The following OR5T1 variants were observed in gnomAD, a reference collection of about 807,000 sequenced individuals.
OR5T1 encodes the protein olfactory receptor family 5 subfamily T member 1.
In OR5T1, 14 loss-of-function variants were observed where a neutral mutation model predicts 10.1. The observed-to-expected ratio is 1.39, with a 90% confidence interval of 0.92 to 2.18. The LOEUF (loss-of-function observed/expected upper bound fraction) is 2.18. Ranked by LOEUF, OR5T1 falls within the 30% of genes most tolerant of loss-of-function variation. OR5T1 has a pLI of 0.00. For missense variants in OR5T1, 461 were observed against 383.9 expected (o/e 1.20, Z -1.68); for synonymous variants, 166 against 141.2 (o/e 1.18, Z -1.24).
Position 56,276,728 on chromosome 11 carries a change from TCTA to T in OR5T1, c.*110_*112del. On this transcript the variant is annotated 3_prime_UTR_variant, in exon 3 of 3. Transcript: ENST00000641665. ...CTTTTAGTTAACAGTGCTTGTAACT[TCTA>T]GAATATTTTCAAATAAAGCATCAAT... The T allele has an allele frequency of 2.7e-6, 2 of 739,488 alleles. No homozygotes were observed. The allele number at this position is 739,488 out of a possible 1,614,324, so 45.8% of individuals were successfully genotyped here.
chr11:56,275,780 C>A lies in OR5T1; in HGVS notation c.142C>A (p.Leu48Ile). ...ATTTTTATTATTTTTAGCAATCTATCTATTCACTCTAATAGGCAATTTAGG... is the reference window on the plus strand; with the variant it reads ...ATTTTTATTATTTTTAGCAATCTATATATTCACTCTAATAGGCAATTTAGG... ...FLFLLFLAIYLFTLIGNLGLV... is the reference protein window; with the variant it reads ...FLFLLFLAIYIFTLIGNLGLV... Residue 48 changes from leucine (L) to isoleucine (I), a missense_variant, in exon 3 of 3, where the codon CTA becomes ATA. Physicochemically the swap from Leu to Ile is conservative, Grantham distance 5. Coordinates refer to ENST00000641665, the MANE Select transcript of OR5T1 (RefSeq NM_001004745.2). 1.9e-6 allele frequency: 3 copies of A among 1,612,832 alleles called. No individual in the cohort carries two copies. The highest frequency in any genetic ancestry group is 2.5e-6 in the Non-Finnish European group (3 of 1,178,882).
chr11:56,275,393 C>G (rs935530026), intron 2 of OR5T1, 93 bp from the exon 3 acceptor site: 7 of 341,582 alleles, frequency 2.0e-5, no homozygotes, highest in Non-Finnish European at 3.6e-5. Context: ...AGATAGTTTG[C>G]TGAGAATGAT....
rs75244906 is a variant in OR5T1 at position 56,274,408 on chromosome 11, T to A, written c.-271-228T>A. Among the ~76,000 whole-genome samples, 1,480 of 152,292 alleles carry A rather than the reference T, an allele frequency of 9.7e-3. 24 individuals carry two copies. The highest frequency in any genetic ancestry group is 0.034 in the African/African-American group (1,417 of 41,562). On this transcript the variant is annotated intron_variant, in intron 1 of 2. Transcript: ENST00000641665. ...ACTTGTTATTGGATGGTATTTATTT[T>A]ATAGAAATTTCAGAAGTTACGTAAG... is the stretch of plus-strand genomic sequence containing the variant.
In OR5T1 at chr11:56,276,395, T is replaced by C. The variant is rs762259087; in HGVS notation, c.757T>C (p.Cys253Arg). Residue 253 changes from cysteine to arginine, a missense_variant, in exon 3 of 3, where the codon TGT becomes CGT. Coordinates refer to ENST00000641665, the MANE Select transcript of OR5T1 (RefSeq NM_001004745.2). ...AGGGAGGAGAAAAGTCTTCTCTACATGTGGAGCTCACCTAACTGGAGTGAC... is the reference window on the plus strand; with the variant it reads ...AGGGAGGAGAAAAGTCTTCTCTACACGTGGAGCTCACCTAACTGGAGTGAC... ...AEGRRKVFSTCGAHLTGVTIY... is the reference protein window; with the variant it reads ...AEGRRKVFSTRGAHLTGVTIY... 7.0e-5 allele frequency: 113 copies of C among 1,614,028 alleles called. 1 individual carries two copies. Among genetic ancestry groups the C allele is most frequent in the Non-Finnish European group, 9.2e-5 (108 of 1,180,020 alleles).
At position 56,275,702 on chromosome 11, in the gene OR5T1, A is replaced by G. The variant is rs892336907; in HGVS notation, c.64A>G (p.Thr22Ala). The part of the protein sequence containing the change: ...KLQLNNFTEV[T>A]MFILISFTEE... ...TCAATTAAACAATTTTACTGAAGTC[A>G]CCATGTTTATATTAATAAGCTTCAC... is the stretch of plus-strand genomic sequence containing the variant. Residue 22 changes from threonine (T) to alanine (A), a missense_variant, in exon 3 of 3, where the codon ACC becomes GCC. Thr to Ala is a moderately conservative substitution (Grantham distance 58, BLOSUM62 0). Transcript: ENST00000641665. 5 of 1,607,798 alleles carry G rather than the reference A, an allele frequency of 3.1e-6. No homozygotes were observed. The highest frequency in any genetic ancestry group is 4.3e-6 in the Non-Finnish European group (5 of 1,175,482).
In OR5T1 at chr11:56,276,336, T is replaced by C; in HGVS notation, c.698T>C (p.Ile233Thr). The change falls in exon 3 of 3, where the codon ATT (isoleucine) becomes ACT (threonine). Residue 233 changes from isoleucine (I) to threonine (T), a missense_variant. Transcript: ENST00000641665. ...ATTGTCCTGATCTCCTATGGTTTTA[T>C]TCTGTTGGCCATTCTGAAGATGCAG... ...ILIVLISYGF[I>T]LLAILKMQSA... is the part of the protein sequence containing the mutation. 2 of 1,614,146 alleles carry C rather than the reference T, an allele frequency of 1.2e-6. No individual in the cohort carries two copies. Among genetic ancestry groups the C allele is most frequent in the South Asian group, 2.2e-5 (2 of 91,086 alleles).
At chr11:56,274,523 T>C (rs1853912722) in intron 1 of OR5T1, 113 bp from the exon 2 acceptor site, 1 of 152,036 alleles carries the variant, frequency 6.6e-6, no homozygotes. Flanking sequence ...AATGACCAAA[T>C]GATCATATAA....
At position 56,276,684 on chromosome 11, in the gene OR5T1, T is replaced by C. The variant is rs1853955416; in HGVS notation, c.*65T>C. On this transcript the variant is annotated 3_prime_UTR_variant, in exon 3 of 3. Coordinates refer to ENST00000641665, the MANE Select transcript of OR5T1 (RefSeq NM_001004745.2). ...AGTCCACATCTCTATGGTCAGAAAG[T>C]AGAGAAGAAAATGTGTTTCTTTTAG... 8.4e-7 allele frequency: 1 copy of C among 1,186,260 alleles called. No homozygotes were observed. Among genetic ancestry groups the C allele is most frequent in the African/African-American group, 1.5e-5 (1 of 65,050 alleles). The allele number at this position is 1,186,260 out of a possible 1,614,324, so 73.5% of individuals were successfully genotyped here.
Position 56,276,361 on chromosome 11 carries a change from G to T in OR5T1, c.723G>T (p.Gln241His), listed in dbSNP as rs778624045. The stretch of plus-strand genomic sequence containing the variant: ...TTCTGTTGGCCATTCTGAAGATGCA[G>T]TCTGCTGAAGGGAGGAGAAAAGTCT... ...GFILLAILKM[Q>H]SAEGRRKVFS... The change falls in exon 3 of 3, where the codon CAG becomes CAT. Residue 241 changes from glutamine (Q) to histidine (H), a missense_variant. By Grantham distance (24) the Gln-to-His change is conservative. Transcript: ENST00000641665. 19 of 1,614,006 alleles carry T rather than the reference G, an allele frequency of 1.2e-5. No individual in the cohort carries two copies. Among genetic ancestry groups the T allele is most frequent in the Non-Finnish European group, 1.4e-5 (17 of 1,180,030 alleles).
Position 56,276,039 on chromosome 11 carries a change from G to C in OR5T1, c.401G>C (p.Arg134Pro). Residue 134 changes from arginine (R) to proline (P), a missense_variant, in exon 3 of 3, where the codon CGC becomes CCC. Transcript: ENST00000641665. Reference protein sequence around the residue: ...CFLLAAMAYDRYVAIYNPLLY... With the variant: ...CFLLAAMAYDPYVAIYNPLLY... ...CTCTTGGCTGCAATGGCTTATGATC[G>C]CTATGTAGCCATCTACAACCCTCTC... is the stretch of plus-strand genomic sequence containing the variant. 6.2e-7 allele frequency: 1 copy of C among 1,614,126 alleles called. No individual in the cohort carries two copies. The highest frequency in any genetic ancestry group is 8.5e-7 in the Non-Finnish European group (1 of 1,180,018).
At position 56,276,373 on chromosome 11, in the gene OR5T1, G is replaced by A. The variant is rs374310881; in HGVS notation, c.735G>A (p.Gly245=). The change falls in exon 3 of 3, where the codon GGG becomes GGA. Residue 245 remains glycine, a synonymous_variant. Transcript: ENST00000641665. ...LAILKMQSAE[G]RRKVFSTCGA... ...TTCTGAAGATGCAGTCTGCTGAAGG[G>A]AGGAGAAAAGTCTTCTCTACATGTG... 2 of 1,613,974 alleles carry A rather than the reference G, an allele frequency of 1.2e-6. No homozygotes were observed. Among genetic ancestry groups the A allele is most frequent in the Non-Finnish European group, 1.7e-6 (2 of 1,180,008 alleles).
In OR5T1 at chr11:56,275,470, A is replaced by T. The variant is rs1225631741; in HGVS notation, c.-153-16A>T. ...ATGATTGAATAAAATAATTTATTTA[A>T]TTTATTTAATTACAGTAATGTATCC... is the stretch of plus-strand genomic sequence containing the variant. On this transcript the variant is annotated splice_polypyrimidine_tract_variant and intron_variant, in intron 2 of 2. Transcript: ENST00000641665. 4 of 490,698 alleles carry T rather than the reference A, an allele frequency of 8.2e-6. No individual in the cohort carries two copies. The highest frequency in any genetic ancestry group is 1.4e-5 in the Non-Finnish European group (4 of 275,982). 30.4% of individuals were successfully genotyped at this position (490,698 alleles called of 1,614,324 possible).
Position 56,275,680 on chromosome 11 carries a change from A to G in OR5T1, c.42A>G (p.Gln14=), listed in dbSNP as rs754819936. ...CAGATATGGATCTATACAAGCTTCA[A>G]TTAAACAATTTTACTGAAGTCACCA... is the stretch of plus-strand genomic sequence containing the variant. ...LPSDMDLYKL[Q]LNNFTEVTMF... is the part of the protein sequence containing the mutation. Residue 14 remains glutamine, a synonymous_variant, in exon 3 of 3, where the codon CAA becomes CAG. Transcript: ENST00000641665. 3.7e-6 allele frequency: 6 copies of G among 1,606,792 alleles called. No individual in the cohort carries two copies. Among genetic ancestry groups the G allele is most frequent in the Non-Finnish European group, 5.1e-6 (6 of 1,176,130 alleles).
Position 56,276,238 on chromosome 11 carries a change from T to C in OR5T1, c.600T>C (p.Ser200=). 1 of 1,614,140 alleles carries C rather than the reference T, an allele frequency of 6.2e-7. No homozygotes were observed. The highest frequency in any genetic ancestry group is 2.2e-5 in the East Asian group (1 of 44,862). ...ATATGCCTCCTCTGCTTGCTATTTC[T>C]TGTTCTGACACTCACGTAATCCAGC... The part of the protein sequence containing the change: ...FCNMPPLLAI[S]CSDTHVIQLL... Residue 200 remains serine (S), a synonymous_variant, in exon 3 of 3, where the codon TCT becomes TCC. Transcript: ENST00000641665.
rs751047545 is a variant in OR5T1, at chr11:56,276,097, T to C, written c.459T>C (p.Tyr153=). The change falls in exon 3 of 3, where the codon TAT becomes TAC. Residue 153 remains tyrosine (Y), a synonymous_variant. Transcript: ENST00000641665. ...CAGTGAGCATGTCACCCAGAGTCTA[T>C]GTGCCACTCATCACTGCTTCCTATG... ...LYSVSMSPRV[Y]VPLITASYVA... is the part of the protein sequence containing the mutation. The C allele has an allele frequency of 5.0e-6, 8 of 1,614,218 alleles. No homozygotes were observed. The highest frequency in any genetic ancestry group is 1.7e-5 in the Admixed American group (1 of 60,030).
In OR5T1 at chr11:56,276,328, T is replaced by C. The variant is rs1030410038; in HGVS notation, c.690T>C (p.Tyr230=). The C allele has an allele frequency of 2.5e-6, 4 of 1,614,128 alleles. No individual in the cohort carries two copies. The highest frequency in any genetic ancestry group is 1.6e-4 in the Middle Eastern group (1 of 6,062). Residue 230 remains tyrosine, a synonymous_variant, in exon 3 of 3, where the codon TAT becomes TAC. Coordinates refer to ENST00000641665, the MANE Select transcript of OR5T1 (RefSeq NM_001004745.2). ...CTATCCTGATTGTCCTGATCTCCTATGGTTTTATTCTGTTGGCCATTCTGA... is the reference window on the plus strand; with the variant it reads ...CTATCCTGATTGTCCTGATCTCCTACGGTTTTATTCTGTTGGCCATTCTGA... ...IVTILIVLIS[Y]GFILLAILKM... is the part of the protein sequence containing the mutation.
intron 2 of OR5T1, among the ~76,000 whole-genome samples, chr11:56,275,222 G>A (rs1338160512): frequency 3.3e-5 from 5 of 152,100 alleles, no homozygotes; most frequent in Admixed American, 6.5e-5. Flanking sequence ...GCATCAACCC[G>A]ACACCTACCT....
Position 56,275,867 on chromosome 11 carries a change from G to A in OR5T1, c.229G>A (p.Val77Ile). The change falls in exon 3 of 3, where the codon GTT (valine) becomes ATT (isoleucine). Residue 77 changes from valine to isoleucine, a missense_variant. By Grantham distance (29) the Val-to-Ile change is conservative. Coordinates refer to ENST00000641665, the MANE Select transcript of OR5T1 (RefSeq NM_001004745.2). ...LHSPMYYFLG[V>I]LSFLDVCYST... ...CAGCCCAATGTACTATTTTCTTGGT[G>A]TTTTATCATTCTTGGATGTCTGCTA... 1 of 1,614,114 alleles carries A rather than the reference G, an allele frequency of 6.2e-7. No homozygotes were observed. The highest frequency in any genetic ancestry group is 8.5e-7 in the Non-Finnish European group (1 of 1,180,022).
intron 1 of OR5T1, 141 bp downstream of exon 1, chr11:56,274,313 A>G (rs1853909170): frequency 6.6e-6 from 1 of 152,206 alleles, no homozygotes; most frequent in Non-Finnish European, 1.5e-5. Flanking sequence ...ATTGAATCAC[A>G]TACTTTCCAA....
Sources: allele counts gnomAD v4.1 joint callset (sites outside exome capture counted in the v4.1 genomes callset), GRCh38; gene constraint gnomAD v4.1.1; transcripts MANE v1.5; gene names NCBI Gene and HGNC (gene_info 2026-07-23, HGNC 2026-07-21).